PIRT: variants seen among roughly 807,000 people sequenced by gnomAD.
The protein encoded by PIRT is phosphoinositide-interacting protein.
Under a neutral mutation model 7.9 loss-of-function variants are expected in PIRT, and 6 were observed. The ratio of observed to expected loss-of-function variants is 0.76; its 90% CI spans 0.42 to 1.51. The LOEUF (loss-of-function observed/expected upper bound fraction) is 1.51, where lower values mean the gene tolerates loss of function less well. Ranked by LOEUF, PIRT falls within the 40% of genes most tolerant of loss-of-function variation. The pLI is 0.01. For missense variants in PIRT, 170 were observed against 172.9 expected, an observed-to-expected ratio of 0.98 and a Z score of 0.09; for synonymous variants, 78 against 71.8, an observed-to-expected ratio of 1.09 and a Z score of -0.44.
Position 10,825,307 on chromosome 17 carries a change from G to C in PIRT, c.339C>G (p.Ile113Met), listed in dbSNP as rs1905285202. ...GTCTGTGCTTCTGTTTCTTTTTGAT[G>C]ATGGGCACCCACACCAGCCCGCACA... ...MLVCGLVWVPIIKKKQKHRQK... is the reference protein window; with the variant it reads ...MLVCGLVWVPMIKKKQKHRQK... The change falls in exon 2 of 2, where the codon ATC (isoleucine) becomes ATG (methionine). Residue 113 changes from isoleucine to methionine, a missense_variant. Physicochemically the swap from Ile to Met is conservative, Grantham distance 10. Transcript: ENST00000580256. 1.2e-6 allele frequency: 2 copies of C among 1,613,944 alleles called. No individual in the cohort carries two copies. The highest frequency in any genetic ancestry group is 1.7e-6 in the Non-Finnish European group (2 of 1,179,882).
At position 10,825,057 on chromosome 17, in the gene PIRT, G is replaced by T; in HGVS notation, c.*175C>A. 1 of 806,120 alleles carries T rather than the reference G, an allele frequency of 1.2e-6. No homozygotes were observed. Among genetic ancestry groups the T allele is most frequent in the Non-Finnish European group, 1.9e-6 (1 of 522,456 alleles). 49.9% of individuals were successfully genotyped at this position (806,120 alleles called of 1,614,324 possible). On this transcript the variant is annotated 3_prime_UTR_variant, in exon 2 of 2. Transcript: ENST00000580256. ...AATAGAGATCAAGTGGATACATCTG[G>T]CAACATTCCCGGCTGCATGGAGGGT...
chr17:10,829,239 G>T (rs1905406992), intron 1 of PIRT, among the ~76,000 whole-genome samples: 1 of 152,172 alleles, frequency 6.6e-6, no homozygotes, highest in African/African-American at 2.4e-5. Context: ...TGGAAAGGTT[G>T]TGATGAAGGA....
rs995091250 is a variant in PIRT at position 10,835,604 on chromosome 17, A to G, written c.-139+2341T>C. The stretch of plus-strand genomic sequence containing the variant: ...ATGCCCAAAGTGGGACATAGTGAAC[A>G]GAACTGCAGCCTTGGCTGAGGAGAT... On this transcript the variant is annotated intron_variant, in intron 1 of 1. Transcript: ENST00000580256. 5.3e-5 allele frequency among the ~76,000 whole-genome samples: 8 copies of G among 152,346 alleles called. No individual in the cohort carries two copies. In the South Asian group the frequency reaches 6.2e-4, roughly 12 times the overall value.
chr17:10,827,474 T>TTC (rs1905358476), intron 1 of PIRT, among the ~76,000 whole-genome samples: 1 of 121,352 alleles, frequency 8.2e-6, no homozygotes, highest in African/African-American at 3.7e-5. Flanking sequence ...TCTTTTTTTT[T>TTC]TTTTTTTTTT....
At chr17:10,834,308 C>T (rs1157288889) in intron 1 of PIRT, among the ~76,000 whole-genome samples, 1 of 152,142 alleles carries the variant, frequency 6.6e-6, no homozygotes, top group East Asian at 1.9e-4. Flanking sequence ...TTCTGAAGCG[C>T]ACAACAGCAT....
At chr17:10,837,507 C>T (rs900303527) in intron 1 of PIRT, among the ~76,000 whole-genome samples, 2 of 152,200 alleles carry the variant, frequency 1.3e-5, no homozygotes, top group African/African-American at 4.8e-5. Flanking sequence ...GGCTGGGGTC[C>T]GAGATTCCAC....
In PIRT at chr17:10,824,822, T is replaced by A. The variant is rs74345770; in HGVS notation, c.*410A>T. The A allele has an allele frequency of 2.5e-3, 465 of 187,548 alleles. 4 individuals are homozygous for A. The highest frequency in any genetic ancestry group is 0.01 in the African/African-American group (447 of 42,824). The allele number at this position is 187,548 out of a possible 1,614,324, so 11.6% of individuals were successfully genotyped here. A position where few individuals can be genotyped will look rare whatever the true frequency, so the allele number is the denominator to read the frequency against. On this transcript the variant is annotated 3_prime_UTR_variant, in exon 2 of 2. Coordinates refer to ENST00000580256, the MANE Select transcript of PIRT (RefSeq NM_001101387.2). ...AGGACCTCCGTGGGTCAGTTTTGGT[T>A]CCAGAAGTATGCAAATGAAGAATCC... is the stretch of plus-strand genomic sequence containing the variant.
At chr17:10,837,755 C>T (rs1905625941) in intron 1 of PIRT, among the ~76,000 whole-genome samples, 190 bp downstream of exon 1, 1 of 152,208 alleles carries the variant, frequency 6.6e-6, no homozygotes, top group Non-Finnish European at 1.5e-5. Context: ...TGCCAAGACC[C>T]TCAGCAGGCA....
intron 1 of PIRT, among the ~76,000 whole-genome samples, chr17:10,831,890 C>T (rs1376301356): frequency 4.6e-5 from 7 of 152,092 alleles, no homozygotes; most frequent in East Asian, 1.9e-4. Flanking sequence ...TGGAGAAGGG[C>T]GGATGGGTCC....
chr17:10,835,634 C>G (rs1567617499), intron 1 of PIRT, among the ~76,000 whole-genome samples: 1 of 152,208 alleles, frequency 6.6e-6, no homozygotes, highest in Non-Finnish European at 1.5e-5. Context: ...GGAGATAGGC[C>G]TAGGACTGTT....
chr17:10,831,412 G>C (rs1343722617), intron 1 of PIRT, among the ~76,000 whole-genome samples: 2 of 152,170 alleles, frequency 1.3e-5, no homozygotes, highest in Non-Finnish European at 2.9e-5. Flanking sequence ...CTGAGTGAGA[G>C]TGGGTTCTAA....
rs1322381335 is a variant in PIRT, at chr17:10,822,729, G to T, written c.*2503C>A. The T allele has an allele frequency of 6.6e-6, 1 of 152,192 alleles. No homozygotes were observed. Among genetic ancestry groups the T allele is most frequent in the Non-Finnish European group, 1.5e-5 (1 of 68,034 alleles). The allele number at this position is 152,192 out of a possible 1,614,324, so 9.4% of individuals were successfully genotyped here. On this transcript the variant is annotated 3_prime_UTR_variant, in exon 2 of 2. Transcript: ENST00000580256. ...TACCTCAGCCTTCCATGGGGTAACA[G>T]GCATTGGCAAAAAATGTCCTGCCTC...
intron 1 of PIRT, 104 bp from the exon 2 acceptor site, chr17:10,825,887 T>A: frequency 5.5e-6 from 2 of 363,924 alleles, no homozygotes; most frequent in Non-Finnish European, 9.8e-6. Flanking sequence ...TAACATTTTA[T>A]TCAATAGCTT....
chr17:10,827,467 T>TTTCTTTTTC (rs1567615924), intron 1 of PIRT, among the ~76,000 whole-genome samples: 32 of 75,470 alleles, frequency 4.2e-4, no homozygotes, highest in African/African-American at 1.7e-3. Context: ...TTTCTTTTCT[T>TTTCTTTTTC]TTTTTTTTTT....
rs147630835 is a variant in PIRT at position 10,830,653 on chromosome 17, A to G, written c.-138-4870T>C. Among the ~76,000 whole-genome samples, 6 of 152,286 alleles carry G rather than the reference A, an allele frequency of 3.9e-5. No individual in the cohort carries two copies. The East Asian group carries it at 9.6e-4, about 24-fold the overall frequency. ...ATAAAATGAAGGAGTTTTCTTAGCT[A>G]TTTCAGATAAGTCTATAGGTAATGA... On this transcript the variant is annotated intron_variant, in intron 1 of 1. Transcript: ENST00000580256.
At chr17:10,832,472 C>T (rs556174500) in intron 1 of PIRT, among the ~76,000 whole-genome samples, 14 of 152,238 alleles carry the variant, frequency 9.2e-5, no homozygotes, top group Non-Finnish European at 1.3e-4. Flanking sequence ...GGATTACAGG[C>T]GTGAGCCACC....
chr17:10,825,414 T>C lies in PIRT; in HGVS notation c.232A>G (p.Thr78Ala). The C allele has an allele frequency of 1.2e-6, 2 of 1,613,836 alleles. No individual in the cohort carries two copies. Among genetic ancestry groups the C allele is most frequent in the East Asian group, 4.5e-5 (2 of 44,868 alleles). Reference sequence around the variant, plus strand: ...AGACTCTTGTCACTCAGCTTCAAGGTGTAGGCCAAGCAGGTGATGACCACG... The same window carrying C: ...AGACTCTTGTCACTCAGCTTCAAGGCGTAGGCCAAGCAGGTGATGACCACG... The part of the protein sequence containing the change: ...FGVVITCLAY[T>A]LKLSDKSLSI... The change falls in exon 2 of 2, where the codon ACC becomes GCC. Residue 78 changes from threonine to alanine, a missense_variant. Physicochemically the swap from Thr to Ala is moderately conservative, Grantham distance 58. Coordinates refer to ENST00000580256, the MANE Select transcript of PIRT (RefSeq NM_001101387.2).
chr17:10,828,489 T>C (rs1427838644), intron 1 of PIRT, among the ~76,000 whole-genome samples: 1 of 152,164 alleles, frequency 6.6e-6, no homozygotes, highest in African/African-American at 2.4e-5. Context: ...TCTCTATTTA[T>C]GAGTGGGATG....
intron 1 of PIRT, among the ~76,000 whole-genome samples, chr17:10,833,808 G>T (rs1905520032): frequency 6.6e-6 from 1 of 151,872 alleles, no homozygotes; most frequent in African/African-American, 2.4e-5. Flanking sequence ...AAAGAGCCCA[G>T]TTAAAATGGG....
Sources: gnomAD v4.1 joint callset for allele counts (sites outside exome capture counted in the v4.1 genomes callset) on GRCh38, gnomAD v4.1.1 for gene constraint, MANE v1.5 for transcripts, NCBI Gene and HGNC (gene_info 2026-07-23, HGNC 2026-07-21) for gene names.